Variants in GULP1 observed in about 807,000 individuals in gnomAD.
GULP1 encodes PTB domain-containing engulfment adapter protein 1.
In GULP1, 19 loss-of-function variants were observed where a neutral mutation model predicts 40.9. The ratio of observed to expected loss-of-function variants is 0.46; its 90% CI spans 0.32 to 0.68. The LOEUF is 0.68. Ranked by LOEUF, GULP1 falls within the 30% of genes least tolerant of loss-of-function variation. The pLI is 0.03. For synonymous variants in GULP1, 119 were observed against 117.6 expected, an observed-to-expected ratio of 1.01 and a Z score of -0.08; for missense variants, 312 against 362.2, an observed-to-expected ratio of 0.86 and a Z score of 1.12.
Position 188,529,080 on chromosome 2 carries a change from T to C in GULP1, c.163-17T>C. The C allele has an allele frequency of 8.7e-7, 1 of 1,144,632 alleles. No individual in the cohort carries two copies. Among genetic ancestry groups the C allele is most frequent in the Non-Finnish European group, 1.3e-6 (1 of 770,364 alleles). The allele number at this position is 1,144,632 out of a possible 1,614,324, so 70.9% of individuals were successfully genotyped here. A position where few individuals can be genotyped will look rare whatever the true frequency, so the allele number is the denominator to read the frequency against. The stretch of plus-strand genomic sequence containing the variant: ...AGAAATAGAAGTGTAGCTTTGTGAA[T>C]AATTTTTCATTCGTAGTTTGCAAGA... On this transcript the variant is annotated splice_polypyrimidine_tract_variant and intron_variant, in intron 5 of 11. Coordinates refer to ENST00000409830, the MANE Select transcript of GULP1 (RefSeq NM_016315.4).
chr2:188,362,450 A>G (rs993843217), intron 1 of GULP1, among the ~76,000 whole-genome samples: 1 of 152,096 alleles, frequency 6.6e-6, no homozygotes, highest in Admixed American at 6.6e-5. Context: ...ACGTGATATT[A>G]TTGATGATGC....
intron 2 of GULP1, among the ~76,000 whole-genome samples, chr2:188,414,855 G>A (rs557221178): frequency 2.6e-4 from 40 of 152,246 alleles, no homozygotes; most frequent in Non-Finnish European, 5.3e-4. Context: ...AATTTCTTAA[G>A]TATAATTAAT....
chr2:188,455,566 C>G (rs910743607), intron 2 of GULP1, among the ~76,000 whole-genome samples: 1 of 152,182 alleles, frequency 6.6e-6, no homozygotes, highest in Non-Finnish European at 1.5e-5. Flanking sequence ...GAGGCCTCCC[C>G]AGCCATGTGG....
intron 4 of GULP1, among the ~76,000 whole-genome samples, chr2:188,500,111 G>T (rs1288074893): frequency 6.6e-6 from 1 of 151,822 alleles, no homozygotes; most frequent in Non-Finnish European, 1.5e-5. Context: ...TGAATATGCA[G>T]AATTAATCTT....
chr2:188,541,578 A>G (rs1468193420), intron 7 of GULP1: 9 of 570,472 alleles, frequency 1.6e-5, no homozygotes, highest in East Asian at 2.8e-5. Flanking sequence ...ATGCCTGCTT[A>G]TGTTATGCAT....
chr2:188,466,072 C>T (rs1471120902), intron 2 of GULP1, among the ~76,000 whole-genome samples: 2 of 151,952 alleles, frequency 1.3e-5, no homozygotes, highest in Admixed American at 1.3e-4. Flanking sequence ...CTACCCTTCT[C>T]CCCAGTCAGG....
intron 6 of GULP1, among the ~76,000 whole-genome samples, chr2:188,533,991 G>T (rs1271954859): frequency 6.6e-6 from 1 of 152,156 alleles, no homozygotes; most frequent in African/African-American, 2.4e-5. Context: ...AGATGCTGGT[G>T]AGATTGTGAA....
intron 2 of GULP1, among the ~76,000 whole-genome samples, chr2:188,398,020 T>C (rs960958872): frequency 1.3e-5 from 2 of 152,244 alleles, no homozygotes; most frequent in African/African-American, 4.8e-5. Flanking sequence ...AGGTATAATT[T>C]AGGATCTTTA....
At chr2:188,398,510 G>A (rs2051619971) in intron 2 of GULP1, among the ~76,000 whole-genome samples, 1 of 151,996 alleles carries the variant, frequency 6.6e-6, no homozygotes, top group Admixed American at 6.5e-5. Context: ...TTAATGAAGA[G>A]GTTTAAAGAG....
chr2:188,570,313 CTA>C (rs1441241111), intron 9 of GULP1, among the ~76,000 whole-genome samples, 193 bp downstream of exon 9: 1 of 152,132 alleles, frequency 6.6e-6, no homozygotes, highest in African/African-American at 2.4e-5. Context: ...GAGTTGTTTT[CTA>C]TGTTGCTGTT....
At chr2:188,500,946 G>A (rs1363012075) in intron 4 of GULP1, among the ~76,000 whole-genome samples, 1 of 151,818 alleles carries the variant, frequency 6.6e-6, no homozygotes, top group Non-Finnish European at 1.5e-5. Context: ...GTACAATCCT[G>A]CTAGCACTGT....
At chr2:188,374,574 T>G (rs1389138426) in intron 1 of GULP1, among the ~76,000 whole-genome samples, 2 of 152,166 alleles carry the variant, frequency 1.3e-5, no homozygotes, top group Non-Finnish European at 2.9e-5. Context: ...TTAATTCAAG[T>G]TGAAAGGGAT....
chr2:188,583,936 C>G (rs970959592), intron 9 of GULP1, among the ~76,000 whole-genome samples: 1 of 152,176 alleles, frequency 6.6e-6, no homozygotes. Context: ...ATCTAATTCT[C>G]TGTTACAAGT....
intron 6 of GULP1, among the ~76,000 whole-genome samples, chr2:188,535,343 T>C (rs1444145022): frequency 6.6e-6 from 1 of 151,866 alleles, no homozygotes; most frequent in African/African-American, 2.4e-5. Flanking sequence ...ACACCCCCTT[T>C]TCCCATCCAC....
intron 4 of GULP1, among the ~76,000 whole-genome samples, chr2:188,497,715 C>T (rs1156706063): frequency 1.3e-5 from 2 of 151,930 alleles, no homozygotes. Context: ...ATGGAAGAAA[C>T]CCACTACAGA....
At chr2:188,578,284 TTC>T (rs2153450154) in intron 9 of GULP1, among the ~76,000 whole-genome samples, 1 of 152,156 alleles carries the variant, frequency 6.6e-6, no homozygotes, top group South Asian at 2.1e-4. Flanking sequence ...ACTTTTATAT[TTC>T]TTTTTGTTGT....
rs555358548 is a variant in GULP1 at position 188,535,098 on chromosome 2, A to G, written c.261+5903A>G. Among the ~76,000 whole-genome samples, 521 of 151,390 alleles carry G rather than the reference A, an allele frequency of 3.4e-3. 1 individual carries two copies. Among genetic ancestry groups the G allele is most frequent in the Non-Finnish European group, 5.8e-3 (394 of 67,796 alleles). Reference sequence around the variant, plus strand: ...TTATTTAATATTAAAGTAATTATTTAATGTTTAAATTAATAGTAAATTACT... The same window carrying G: ...TTATTTAATATTAAAGTAATTATTTGATGTTTAAATTAATAGTAAATTACT... On this transcript the variant is annotated intron_variant, in intron 6 of 11. Coordinates refer to ENST00000409830, the MANE Select transcript of GULP1 (RefSeq NM_016315.4).
chr2:188,442,422 T>C (rs569988544), intron 2 of GULP1, among the ~76,000 whole-genome samples: 2 of 152,206 alleles, frequency 1.3e-5, no homozygotes, highest in Non-Finnish European at 2.9e-5. Flanking sequence ...AAAGTCATTA[T>C]AATGGATAAC....
At chr2:188,520,514 G>T (rs2065637957) in intron 4 of GULP1, among the ~76,000 whole-genome samples, 4 of 144,874 alleles carry the variant, frequency 2.8e-5, no homozygotes, top group Non-Finnish European at 4.5e-5. Context: ...TGGAAACACA[G>T]CGAGACTCCA....
Sources: gnomAD v4.1 joint callset for allele counts (sites outside exome capture counted in the v4.1 genomes callset) on GRCh38, gnomAD v4.1.1 for gene constraint, MANE v1.5 for transcripts, NCBI Gene and HGNC (gene_info 2026-07-23, HGNC 2026-07-21) for gene names.